Variants in REDIC1 observed in about 807,000 individuals in gnomAD.
REDIC1 encodes HEI10 Interacting Protein 1.
At chr12:39,802,983 C>T in the REDIC1 span, among the ~76,000 whole-genome samples, 1 of 152,052 alleles carries the variant, frequency 6.6e-6, no homozygotes, top group Non-Finnish European at 1.5e-5. Context: ...GGAAAAGAGG[C>T]CTCACTAGAG....
At chr12:39,895,545 TATATATACAC>T in the REDIC1 span, among the ~76,000 whole-genome samples, 35 of 80,616 alleles carry the variant, frequency 4.3e-4, 2 homozygotes, top group Admixed American at 3.2e-3. Context: ...TATATATATA[TATATATACAC>T]ACACACACAC....
the REDIC1 span, among the ~76,000 whole-genome samples, chr12:39,871,623 A>G: frequency 3.3e-4 from 50 of 152,218 alleles, no homozygotes; most frequent in African/African-American, 1.2e-3. Context: ...ACGTAGCGTA[A>G]CAGTTGTTAA....
the REDIC1 span, chr12:39,684,118 C>A: frequency 3.0e-6 from 3 of 993,142 alleles, no homozygotes; most frequent in African/African-American, 3.5e-5. Context: ...TCTCTTCTTG[C>A]AGCTGGTGTA....
chr12:39,794,339 C>G, the REDIC1 span, among the ~76,000 whole-genome samples: 1 of 152,082 alleles, frequency 6.6e-6, no homozygotes, highest in East Asian at 1.9e-4. Flanking sequence ...TCTTTAGTTA[C>G]TTGAAAGATA....
the REDIC1 span, among the ~76,000 whole-genome samples, chr12:39,712,607 GTATA>G: frequency 1.1e-3 from 155 of 143,214 alleles, 2 homozygotes; most frequent in East Asian, 0.027. Context: ...ACATATATAT[GTATA>G]TATAGATATG....
the REDIC1 span, among the ~76,000 whole-genome samples, chr12:39,702,015 T>C: frequency 1.3e-5 from 2 of 151,718 alleles, no homozygotes; most frequent in African/African-American, 4.8e-5. Context: ...CACCCTAACA[T>C]CACAATTAAA....
the REDIC1 span, among the ~76,000 whole-genome samples, chr12:39,670,035 C>CGG: frequency 6.6e-6 from 1 of 152,292 alleles, no homozygotes; most frequent in African/African-American, 2.4e-5. Flanking sequence ...TAGGCTCACT[C>CGG]TGGATGCTGC....
the REDIC1 span, among the ~76,000 whole-genome samples, chr12:39,713,271 TACACACAC>T: frequency 4.7e-5 from 2 of 42,410 alleles, no homozygotes; most frequent in Non-Finnish European, 5.4e-5. Context: ...TATATATGTG[TACACACAC>T]ATACGTGTAT....
the REDIC1 span, among the ~76,000 whole-genome samples, chr12:39,866,261 A>C: frequency 6.6e-6 from 1 of 152,332 alleles, no homozygotes; most frequent in African/African-American, 2.4e-5. Flanking sequence ...GTTTTTGTTT[A>C]AGACATAGTA....
the REDIC1 span, among the ~76,000 whole-genome samples, chr12:39,664,602 T>G: frequency 2.4e-4 from 37 of 152,260 alleles, 1 homozygote; most frequent in Non-Finnish European, 4.4e-5. Flanking sequence ...GTAATGGGAT[T>G]GCTGGGTCAA....
At chr12:39,768,581 T>A in the REDIC1 span, among the ~76,000 whole-genome samples, 17 of 152,140 alleles carry the variant, frequency 1.1e-4, no homozygotes, top group African/African-American at 3.9e-4. Context: ...TCTTAGGGAA[T>A]AGAGAGGCTC....
At chr12:39,777,902 T>C in the REDIC1 span, among the ~76,000 whole-genome samples, 1 of 152,316 alleles carries the variant, frequency 6.6e-6, no homozygotes, top group South Asian at 2.1e-4. Context: ...ATCCCTAGGA[T>C]ACAGAAAGCC....
chr12:39,694,047 T>G, the REDIC1 span, among the ~76,000 whole-genome samples: 9 of 152,346 alleles, frequency 5.9e-5, no homozygotes, highest in East Asian at 1.7e-3. Flanking sequence ...CTGTGTGAAG[T>G]TGAGCATCTT....
chr12:39,698,077 A>C, the REDIC1 span, among the ~76,000 whole-genome samples: 1 of 152,208 alleles, frequency 6.6e-6, no homozygotes, highest in Admixed American at 6.5e-5. Context: ...ATTCCAAGCC[A>C]ATAGAAACCA....
At chr12:39,834,548 G>A in the REDIC1 span, among the ~76,000 whole-genome samples, 1 of 151,966 alleles carries the variant, frequency 6.6e-6, no homozygotes, top group Non-Finnish European at 1.5e-5. Flanking sequence ...TATTAAAAAA[G>A]CATGAAAAAC....
the REDIC1 span, among the ~76,000 whole-genome samples, chr12:39,794,432 GCC>G: frequency 6.6e-6 from 1 of 152,292 alleles, no homozygotes; most frequent in Non-Finnish European, 1.5e-5. Context: ...TTTAAATTCT[GCC>G]TAAAGGTTTC....
At chr12:39,711,163 T>C in the REDIC1 span, among the ~76,000 whole-genome samples, 1 of 151,396 alleles carries the variant, frequency 6.6e-6, no homozygotes. Context: ...ATTCCTGAGT[T>C]ATTTCACTTA....
chr12:39,711,982 A>T, the REDIC1 span, among the ~76,000 whole-genome samples: 2 of 118,120 alleles, frequency 1.7e-5, no homozygotes, highest in Non-Finnish European at 3.7e-5. Flanking sequence ...TATACATGTC[A>T]TGTCTATATA....
At chr12:39,871,998 T>G in the REDIC1 span, 6 of 1,479,482 alleles carry the variant, frequency 4.1e-6, no homozygotes, top group Non-Finnish European at 3.6e-6. Context: ...CTATTGATAG[T>G]TACCCAAAGA....
Sources: allele counts gnomAD v4.1 joint callset (sites outside exome capture counted in the v4.1 genomes callset), GRCh38; gene constraint gnomAD v4.1.1; transcripts MANE v1.5; gene names NCBI Gene and HGNC (gene_info 2026-07-23, HGNC 2026-07-21).